Variants in FBF1 observed in about 807,000 individuals in gnomAD.
FBF1 encodes fas-binding factor 1.
Under a neutral mutation model 147.2 loss-of-function variants are expected in FBF1, and 119 were observed. The ratio of observed to expected loss-of-function variants is 0.81; its 90% confidence interval spans 0.70 to 0.94. The LOEUF is 0.94. FBF1 is among the 40% of genes least tolerant of loss of function. The pLI is 0.00. For synonymous variants in FBF1, 601 were observed against 609.0 expected (o/e 0.99, Z 0.19); for missense variants, 1,449 against 1,500.8 (o/e 0.97, Z 0.57).
chr17:75,932,259 C>A (rs1382024073), intron 5 of FBF1, among the ~76,000 whole-genome samples: 4 of 152,116 alleles, frequency 2.6e-5, no homozygotes, highest in Admixed American at 2.0e-4. Context: ...TGCCTGTAAT[C>A]CCAACTGCGT....
intron 8 of FBF1, among the ~76,000 whole-genome samples, chr17:75,927,841 G>A (rs1829759610): frequency 6.6e-6 from 1 of 152,160 alleles, no homozygotes; most frequent in South Asian, 2.1e-4. Flanking sequence ...TGCCCATGTT[G>A]GACCCAGAGG....
intron 2 of FBF1, 78 bp downstream of exon 2, chr17:75,938,069 C>A (rs1414125486): frequency 6.3e-7 from 1 of 1,589,826 alleles, no homozygotes; most frequent in Non-Finnish European, 8.6e-7. Flanking sequence ...CAGAGTGTTG[C>A]ATGCAGTCAA....
intron 17 of FBF1, 65 bp from the exon 18 acceptor site, chr17:75,920,494 A>G (rs1045556977): frequency 2.8e-5 from 42 of 1,485,440 alleles, no homozygotes; most frequent in Non-Finnish European, 3.5e-5. Context: ...GAGATCAGCT[A>G]CCTCCTGGCC....
chr17:75,915,437 A>G (rs1457809353), intron 23 of FBF1, among the ~76,000 whole-genome samples: 1 of 152,190 alleles, frequency 6.6e-6, no homozygotes, highest in African/African-American at 2.4e-5. Flanking sequence ...CTGAATCGCC[A>G]GCTACGCACT....
intron 2 of FBF1, 60 bp from the exon 3 acceptor site, chr17:75,937,653 G>A (rs377540594): frequency 1.3e-6 from 2 of 1,588,952 alleles, no homozygotes; most frequent in African/African-American, 2.7e-5. Flanking sequence ...GGTGGAAATT[G>A]GCAATGCAGA....
At chr17:75,926,009 G>C in intron 12 of FBF1, 21 bp downstream of exon 12, 1 of 1,589,284 alleles carries the variant, frequency 6.3e-7, no homozygotes, top group Non-Finnish European at 8.6e-7. Context: ...GTCCTGTTGC[G>C]GCCCCCGCAA....
chr17:75,938,071 TGCA>T (rs746119747), intron 2 of FBF1, 73 bp downstream of exon 2: 4 of 1,593,096 alleles, frequency 2.5e-6, no homozygotes, highest in Non-Finnish European at 2.6e-6. Flanking sequence ...GAGTGTTGCA[TGCA>T]GTCAAGATCT....
rs761229749 is a variant in FBF1 at position 75,923,248 on chromosome 17, C to T, written c.1362G>A (p.Gln454=). Residue 454 remains glutamine, a synonymous_variant, in exon 14 of 30, where the codon CAG becomes CAA. Transcript: ENST00000636174. The surrounding 1 kb of genome is among the most constrained non-coding windows in gnomAD (Gnocchi z 4.1). ...GCAGGCCCTCAGAGGTCCCAGCATG[C>T]TGCTCTCTGGCCAGGCCTTGGGACT... ...RKKSQGLARE[Q]HAGTSEGLHL... 2 of 1,590,842 alleles carry T rather than the reference C, an allele frequency of 1.3e-6. No homozygotes were observed. Among genetic ancestry groups the T allele is most frequent in the South Asian group, 2.3e-5 (2 of 87,546 alleles).
At chr17:75,935,908 G>A (rs1397702144) in intron 3 of FBF1, among the ~76,000 whole-genome samples, 11 of 152,170 alleles carry the variant, frequency 7.2e-5, no homozygotes, top group Admixed American at 6.6e-4. Flanking sequence ...GGGCGCAGTG[G>A]CTCACACCTG....
rs1030002896 is a variant in FBF1, at chr17:75,928,824, A to G, written c.280-631T>C. ...CTCCGTCTCAAAAAAATAAAAATAA[A>G]TTAAAAATAAAATAAAATAAAGACA... is the stretch of plus-strand genomic sequence containing the variant. On this transcript the variant is annotated intron_variant, in intron 7 of 29. Coordinates refer to ENST00000636174, the MANE Select transcript of FBF1 (RefSeq NM_001319193.2). The surrounding 1 kb of genome is among the most constrained non-coding windows in gnomAD (Gnocchi z 4.2). 6.6e-6 allele frequency among the ~76,000 whole-genome samples: 1 copy of G among 152,042 alleles called. No homozygotes were observed. Among genetic ancestry groups the G allele is most frequent in the Non-Finnish European group, 1.5e-5 (1 of 68,026 alleles).
In FBF1 at chr17:75,926,137, G is replaced by A. The variant is rs577960184; in HGVS notation, c.761C>T (p.Thr254Met). ...DQEGPRPARS[T>M]LDELLGRGMA... The stretch of plus-strand genomic sequence containing the variant: ...GCCTCGACCCAGCAGCTCATCCAGC[G>A]TGGAGCGAGCAGGGCGAGGCCCTTC... The change falls in exon 12 of 30, where the codon ACG becomes ATG. Residue 254 changes from threonine (T) to methionine (M), a missense_variant. Coordinates refer to ENST00000636174, the MANE Select transcript of FBF1 (RefSeq NM_001319193.2). The A allele has an allele frequency of 1.7e-5, 28 of 1,610,264 alleles. No homozygotes were observed. Among genetic ancestry groups the A allele is most frequent in the South Asian group, 1.1e-4 (10 of 90,600 alleles).
At chr17:75,912,522 C>T (rs538564698) in intron 28 of FBF1, among the ~76,000 whole-genome samples, 70 of 152,316 alleles carry the variant, frequency 4.6e-4, no homozygotes, top group African/African-American at 9.1e-4. Context: ...GTGAAATAAT[C>T]AGGCAAAGGT....
Position 75,917,767 on chromosome 17 carries a change from C to G in FBF1, c.2470G>C (p.Ala824Pro). Residue 824 changes from alanine to proline, a missense_variant, in exon 23 of 30, where the codon GCA becomes CCA. Physicochemically the swap from Ala to Pro is conservative, Grantham distance 27 (BLOSUM62 -1). Coordinates refer to ENST00000636174, the MANE Select transcript of FBF1 (RefSeq NM_001319193.2). ...AGCCGGCTCTGCTCATTCAGCCGTGCCTCCATCTTCCCGATGACCTCCTGT... is the reference window on the plus strand; with the variant it reads ...AGCCGGCTCTGCTCATTCAGCCGTGGCTCCATCTTCCCGATGACCTCCTGT... The part of the protein sequence containing the change: ...RQQEVIGKME[A>P]RLNEQSRLLE... The G allele has an allele frequency of 6.2e-7, 1 of 1,609,540 alleles. No individual in the cohort carries two copies. The highest frequency in any genetic ancestry group is 8.5e-7 in the Non-Finnish European group (1 of 1,178,850).
rs1329085883 is a variant in FBF1 at position 75,923,028 on chromosome 17, A to G, written c.1424+158T>C. On this transcript the variant is annotated intron_variant, in intron 14 of 29. Transcript: ENST00000636174. The surrounding 1 kb of genome is among the most constrained non-coding windows in gnomAD (Gnocchi z 4.1). Reference sequence around the variant, plus strand: ...AGAGGCTCTCTCTGCAGTGCCTAAAAGGCAGAGTAGCAAAGCCAAGAAGCG... The same window carrying G: ...AGAGGCTCTCTCTGCAGTGCCTAAAGGGCAGAGTAGCAAAGCCAAGAAGCG... Among the ~76,000 whole-genome samples, 1 of 152,256 alleles carries G rather than the reference A, an allele frequency of 6.6e-6. No homozygotes were observed. Among genetic ancestry groups the G allele is most frequent in the Non-Finnish European group, 1.5e-5 (1 of 68,038 alleles).
chr17:75,914,638 G>T, intron 25 of FBF1, 109 bp downstream of exon 25: 1 of 1,167,918 alleles, frequency 8.6e-7, no homozygotes, highest in Non-Finnish European at 1.2e-6. Context: ...CTATGCTCTT[G>T]TGACATTAGT....
Position 75,918,968 on chromosome 17 carries a change from G to C in FBF1, c.2139-699C>G, listed in dbSNP as rs979751792. Among the ~76,000 whole-genome samples, 19 of 152,102 alleles carry C rather than the reference G, an allele frequency of 1.2e-4. No individual in the cohort carries two copies. Among genetic ancestry groups the C allele is most frequent in the African/African-American group, 3.4e-4 (14 of 41,412 alleles). On this transcript the variant is annotated intron_variant, in intron 20 of 29. Coordinates refer to ENST00000636174, the MANE Select transcript of FBF1 (RefSeq NM_001319193.2). The surrounding 1 kb of genome is among the most constrained non-coding windows in gnomAD (Gnocchi z 5.8). ...GTTCTGTGGTCCAGGCTGGAGTGCA[G>C]TGGCATCATAGCTCATTGCAGCCCT...
Position 75,913,965 on chromosome 17 carries a change from G to A in FBF1, c.3077C>T (p.Ala1026Val), listed in dbSNP as rs1163259814. 2 of 1,556,300 alleles carry A rather than the reference G, an allele frequency of 1.3e-6. No homozygotes were observed. Among genetic ancestry groups the A allele is most frequent in the South Asian group, 2.3e-5 (2 of 85,296 alleles). The change falls in exon 27 of 30, where the codon GCG (alanine) becomes GTG (valine). Residue 1026 changes from alanine (A) to valine (V), a missense_variant. Transcript: ENST00000636174. ...VQAEQQARLQ[A>V]VQQQQERLRK... is the part of the protein sequence containing the mutation. ...CAGCCGCTCCTGCTGTTGCTGCACC[G>A]CCTGCAACCGGGCCTGCTGCTCTGC...
At position 75,914,313 on chromosome 17, in the gene FBF1, G is replaced by C. The variant is rs1164872498; in HGVS notation, c.2815-15C>G. The C allele has an allele frequency of 6.3e-7, 1 of 1,582,052 alleles. No individual in the cohort carries two copies. Among genetic ancestry groups the C allele is most frequent in the Admixed American group, 1.8e-5 (1 of 57,136 alleles). ...TCAGCCTGCTCCTGGAGACAGCGGAGGCCCTGCTGCATTCTCCTCCCAGGA... is the reference window on the plus strand; with the variant it reads ...TCAGCCTGCTCCTGGAGACAGCGGACGCCCTGCTGCATTCTCCTCCCAGGA... On this transcript the variant is annotated splice_polypyrimidine_tract_variant and intron_variant, in intron 25 of 29. Coordinates refer to ENST00000636174, the MANE Select transcript of FBF1 (RefSeq NM_001319193.2).
Position 75,922,027 on chromosome 17 carries a change from G to C in FBF1, c.1444C>G (p.Gln482Glu). The change falls in exon 15 of 30, where the codon CAA becomes GAA. Residue 482 changes from glutamine (Q) to glutamate (E), a missense_variant. By Grantham distance (29) the Gln-to-Glu change is conservative. Transcript: ENST00000636174. The surrounding 1 kb of genome is among the most constrained non-coding windows in gnomAD (Gnocchi z 5.0). ...CCAGCAGCTGCGTGCTCAAGCCCTTGTGTGCTGGTGAGAGGTTGGCTGAGG... is the reference window on the plus strand; with the variant it reads ...CCAGCAGCTGCGTGCTCAAGCCCTTCTGTGCTGGTGAGAGGTTGGCTGAGG... ...PSGSQPLTST[Q>E]GLEHAAAGGS... is the part of the protein sequence containing the mutation. 3 of 1,552,036 alleles carry C rather than the reference G, an allele frequency of 1.9e-6. No individual in the cohort carries two copies. The highest frequency in any genetic ancestry group is 2.6e-6 in the Non-Finnish European group (3 of 1,147,100).
Sources: allele counts gnomAD v4.1 joint callset (sites outside exome capture counted in the v4.1 genomes callset), GRCh38; gene constraint gnomAD v4.1.1; non-coding constraint Gnocchi (gnomAD v3.1); transcripts MANE v1.5; gene names NCBI Gene and HGNC (gene_info 2026-07-23, HGNC 2026-07-21).